Variants in SORCS3 observed in about 807,000 individuals in gnomAD.
SORCS3 encodes VPS10 domain-containing receptor SorCS3.
A neutral mutation model predicts 146.3 loss-of-function variants in SORCS3; 57 were observed. The observed-to-expected ratio is 0.39, with a 90% CI of 0.31 to 0.49. The LOEUF is 0.49. SORCS3 is among the 20% of genes least tolerant of loss of function. The pLI, the probability that SORCS3 is intolerant of heterozygous loss-of-function variation, is 0.92. For missense variants in SORCS3, 1,341 were observed against 1,575.5 expected (o/e 0.85, Z 2.52); for synonymous variants, 653 against 618.5 (o/e 1.06, Z -0.83).
At chr10:105,104,811 C>A (rs1200687198) in intron 6 of SORCS3, among the ~76,000 whole-genome samples, 1 of 152,144 alleles carries the variant, frequency 6.6e-6, no homozygotes, top group East Asian at 1.9e-4. Context: ...CAGAACAGTG[C>A]GTTTTGGAGA....
At chr10:105,185,571 C>T (rs1276258947) in intron 14 of SORCS3, among the ~76,000 whole-genome samples, 2 of 152,152 alleles carry the variant, frequency 1.3e-5, no homozygotes, top group African/African-American at 4.8e-5. Flanking sequence ...TCTGCAATTT[C>T]ATAACTACAT....
intron 2 of SORCS3, among the ~76,000 whole-genome samples, chr10:104,857,072 A>G (rs2018343404): frequency 6.7e-6 from 1 of 149,240 alleles, no homozygotes; most frequent in Non-Finnish European, 1.5e-5. Context: ...GAGGGAGAGA[A>G]AAACTTTGAT....
chr10:104,692,140 A>G (rs1175927541), intron 1 of SORCS3, among the ~76,000 whole-genome samples: 2 of 152,150 alleles, frequency 1.3e-5, no homozygotes, highest in African/African-American at 4.8e-5. Flanking sequence ...GATCATCTCA[A>G]CAAGGATCTG....
At chr10:104,780,701 C>T (rs568445090) in intron 1 of SORCS3, among the ~76,000 whole-genome samples, 145 of 152,200 alleles carry the variant, frequency 9.5e-4, no homozygotes, top group Non-Finnish European at 1.5e-3. Context: ...TGAATTATGG[C>T]TCTGAAACCA....
chr10:104,813,932 T>TC (rs1238210624), intron 1 of SORCS3, among the ~76,000 whole-genome samples: 1 of 148,756 alleles, frequency 6.7e-6, no homozygotes, highest in Admixed American at 6.7e-5. Flanking sequence ...TTTCTTTCTT[T>TC]TTTTTTTTTT....
In SORCS3 at chr10:105,080,822, A is replaced by G. The variant is rs559457146; in HGVS notation, c.1029-8953A>G. On this transcript the variant is annotated intron_variant, in intron 5 of 26. Transcript: ENST00000369701. ...CTGGTACAAAAACAGACATAGACCAATGAAACAGAATAGAGAGCATGGAAA... is the reference window on the plus strand; with the variant it reads ...CTGGTACAAAAACAGACATAGACCAGTGAAACAGAATAGAGAGCATGGAAA... Among the ~76,000 whole-genome samples the G allele has an allele frequency of 1.2e-4, 19 of 152,324 alleles. No individual in the cohort carries two copies. In the East Asian group the frequency reaches 3.3e-3, roughly 26 times the overall value.
chr10:105,050,311 C>T (rs546907425), intron 5 of SORCS3, among the ~76,000 whole-genome samples: 8 of 152,100 alleles, frequency 5.3e-5, no homozygotes, highest in Admixed American at 2.0e-4. Context: ...GCAGAGGTAA[C>T]GAGCTTTTTT....
intron 3 of SORCS3, among the ~76,000 whole-genome samples, chr10:104,970,129 G>T (rs1357072585): frequency 6.6e-6 from 1 of 152,002 alleles, no homozygotes; most frequent in Non-Finnish European, 1.5e-5. Flanking sequence ...AGTGAGGCTG[G>T]TTATGAAAGC....
chr10:104,863,738 G>T (rs534870259), intron 2 of SORCS3, among the ~76,000 whole-genome samples: 4 of 152,190 alleles, frequency 2.6e-5, no homozygotes, highest in Non-Finnish European at 5.9e-5. Context: ...TTGGTACCCT[G>T]TCTGCTCCTA....
intron 1 of SORCS3, among the ~76,000 whole-genome samples, chr10:104,646,177 A>C (rs1413714): frequency 2.0e-5 from 3 of 152,228 alleles, no homozygotes. Flanking sequence ...TTATCTGCTC[A>C]GTGATTTCTC....
At chr10:104,711,458 G>A (rs986929596) in intron 1 of SORCS3, among the ~76,000 whole-genome samples, 3 of 152,202 alleles carry the variant, frequency 2.0e-5, no homozygotes, top group Non-Finnish European at 4.4e-5. Flanking sequence ...GCGTCTTACT[G>A]GAGGCCACAT....
chr10:104,805,557 A>G (rs781596292), intron 1 of SORCS3, among the ~76,000 whole-genome samples: 2 of 152,152 alleles, frequency 1.3e-5, no homozygotes, highest in African/African-American at 2.4e-5. Flanking sequence ...AGGATTTACC[A>G]TGGGAGGTAG....
At chr10:104,751,646 C>T (rs2016984701) in intron 1 of SORCS3, among the ~76,000 whole-genome samples, 2 of 151,988 alleles carry the variant, frequency 1.3e-5, no homozygotes, top group African/African-American at 4.8e-5. Context: ...TCTGTATTCA[C>T]TCAGCTGTGA....
intron 13 of SORCS3, 129 bp from the exon 14 acceptor site, chr10:105,177,936 TA>T (rs2056417994): frequency 7.4e-6 from 5 of 674,128 alleles, no homozygotes. Flanking sequence ...TGTTGAAGAT[TA>T]AAACCTATTG....
intron 1 of SORCS3, among the ~76,000 whole-genome samples, chr10:104,704,582 T>C (rs898335194): frequency 8.5e-5 from 13 of 152,074 alleles, no homozygotes; most frequent in African/African-American, 3.1e-4. Flanking sequence ...GGTCAACAAA[T>C]TAGAGGCAGA....
At chr10:104,650,387 G>A (rs1196124394) in intron 1 of SORCS3, among the ~76,000 whole-genome samples, 2 of 152,208 alleles carry the variant, frequency 1.3e-5, no homozygotes, top group Admixed American at 6.5e-5. Flanking sequence ...TAAGTGAATT[G>A]TGTAGGGGTT....
chr10:104,724,585 G>C (rs1463456362), intron 1 of SORCS3, among the ~76,000 whole-genome samples: 33 of 152,126 alleles, frequency 2.2e-4, no homozygotes, highest in Non-Finnish European at 4.0e-4. Flanking sequence ...CAACTTGGTT[G>C]CATTCTCCCC....
At chr10:104,656,690 A>G (rs2015635300) in intron 1 of SORCS3, among the ~76,000 whole-genome samples, 1 of 152,164 alleles carries the variant, frequency 6.6e-6, no homozygotes, top group Non-Finnish European at 1.5e-5. Context: ...AAAGAAAAAA[A>G]GTAAAGAGGT....
chr10:104,662,604 T>C (rs1225041625), intron 1 of SORCS3, among the ~76,000 whole-genome samples: 1 of 152,222 alleles, frequency 6.6e-6, no homozygotes, highest in Non-Finnish European at 1.5e-5. Flanking sequence ...GTTGAACTGC[T>C]GACCCCATGA....
Sources: allele counts gnomAD v4.1 joint callset (sites outside exome capture counted in the v4.1 genomes callset), GRCh38; gene constraint gnomAD v4.1.1; transcripts MANE v1.5; gene names NCBI Gene and HGNC (gene_info 2026-07-23, HGNC 2026-07-21).